Variants in WWC2 observed in about 807,000 individuals in gnomAD.
WWC2 encodes the protein WW and C2 domain containing 2.
A neutral mutation model predicts 138.5 loss-of-function variants in WWC2; 101 were observed. The ratio of observed to expected loss-of-function variants is 0.73; its 90% CI spans 0.62 to 0.86. The LOEUF is 0.86. Ranked by LOEUF, WWC2 falls within the 40% of genes least tolerant of loss-of-function variation. The probability of loss-of-function intolerance (pLI) is 0.00; values close to 1 mark genes in which losing one functional copy is unlikely to be tolerated. For synonymous variants in WWC2, 558 were observed against 538.4 expected, an observed-to-expected ratio of 1.04 and a Z score of -0.50; for missense variants, 1,420 against 1,419.4, an observed-to-expected ratio of 1.00 and a Z score of -0.01.
rs201566166 is a variant in WWC2 at position 183,208,970 on chromosome 4, G to C, written c.467G>C (p.Ser156Thr). 147 of 1,565,202 alleles carry C rather than the reference G, an allele frequency of 9.4e-5. No individual in the cohort carries two copies. Among genetic ancestry groups the C allele is most frequent in the Non-Finnish European group, 1.2e-4 (142 of 1,151,932 alleles). ...AAAGTATTCTCAGGATCTTCATCCA[G>C]TACTAAATATGATCCCGATATTTTA... ...HTSLFSGSSSSTKYDPDILKA... is the reference protein window; with the variant it reads ...HTSLFSGSSSTTKYDPDILKA... Residue 156 changes from serine to threonine, a missense_variant, in exon 4 of 23, where the codon AGT becomes ACT. Coordinates refer to ENST00000403733, the MANE Select transcript of WWC2 (RefSeq NM_024949.6).
chr4:183,188,278 G>A (rs1342791792), intron 1 of WWC2, among the ~76,000 whole-genome samples: 4 of 151,956 alleles, frequency 2.6e-5, no homozygotes, highest in South Asian at 2.1e-4. Context: ...TCGCTGTGTC[G>A]CCCAGGCTGG....
intron 2 of WWC2, among the ~76,000 whole-genome samples, chr4:183,194,725 T>TC (rs773690981): frequency 1.3e-5 from 2 of 152,180 alleles, no homozygotes; most frequent in Non-Finnish European, 2.9e-5. Flanking sequence ...GGCACCATCT[T>TC]CCAGGCGGGT....
chr4:183,188,573 C>G (rs186561252), intron 1 of WWC2, among the ~76,000 whole-genome samples: 1 of 151,296 alleles, frequency 6.6e-6, no homozygotes, highest in Admixed American at 6.6e-5. Flanking sequence ...TGTTTGTTTT[C>G]TAGAAATTCT....
intron 4 of WWC2, among the ~76,000 whole-genome samples, chr4:183,211,295 A>G (rs1380955516): frequency 6.6e-6 from 1 of 152,246 alleles, no homozygotes; most frequent in Non-Finnish European, 1.5e-5. Context: ...CCTGGGCATC[A>G]TAACGAGACA....
At chr4:183,270,059 C>T (rs1737650417) in intron 15 of WWC2, 1 of 152,060 alleles carries the variant, frequency 6.6e-6, no homozygotes, top group Non-Finnish European at 1.5e-5. Context: ...TAGGTTTCTT[C>T]TTAATTTTTC....
In WWC2 at chr4:183,320,145, C is replaced by G; in HGVS notation, c.*4416C>G. 2 of 1,614,118 alleles carry G rather than the reference C, an allele frequency of 1.2e-6. No individual in the cohort carries two copies. The highest frequency in any genetic ancestry group is 8.5e-7 in the Non-Finnish European group (1 of 1,180,002). ...CCAGTGTGGCAGGTAGTTTGTAAGA[C>G]AGGATAAAACCCATCCCAGCAAAGA... On this transcript the variant is annotated 3_prime_UTR_variant, in exon 23 of 23. Coordinates refer to ENST00000403733, the MANE Select transcript of WWC2 (RefSeq NM_024949.6).
At chr4:183,302,918 G>T (rs961482651) in intron 21 of WWC2, among the ~76,000 whole-genome samples, 1 of 152,116 alleles carries the variant, frequency 6.6e-6, no homozygotes, top group African/African-American at 2.4e-5. Flanking sequence ...GTAAAAATTA[G>T]CTGGGCATGA....
intron 11 of WWC2, 111 bp downstream of exon 11, chr4:183,261,643 T>C: frequency 1.6e-6 from 2 of 1,282,348 alleles, no homozygotes; most frequent in East Asian, 5.1e-5. Flanking sequence ...TCTCTTTCTT[T>C]TGAGTAATCG....
At chr4:183,117,693 C>T (rs1440242879) in intron 1 of WWC2, among the ~76,000 whole-genome samples, 2 of 151,344 alleles carry the variant, frequency 1.3e-5, no homozygotes, top group African/African-American at 4.9e-5. Context: ...TGGTCTTGAA[C>T]TCTTGCGCTT....
At chr4:183,141,304 T>C (rs1367759878) in intron 1 of WWC2, among the ~76,000 whole-genome samples, 1 of 152,164 alleles carries the variant, frequency 6.6e-6, no homozygotes, top group Non-Finnish European at 1.5e-5. Context: ...TTTCTCACCA[T>C]GTGTGTGTGC....
chr4:183,310,971 C>T (rs1373746262), intron 21 of WWC2, among the ~76,000 whole-genome samples: 1 of 151,850 alleles, frequency 6.6e-6, no homozygotes, highest in Non-Finnish European at 1.5e-5. Context: ...AGTACTTATT[C>T]CCAGTGTACA....
intron 21 of WWC2, among the ~76,000 whole-genome samples, chr4:183,292,780 A>G (rs1458692520): frequency 6.6e-6 from 1 of 152,214 alleles, no homozygotes; most frequent in East Asian, 1.9e-4. Flanking sequence ...TTTTATGTTA[A>G]TGCCAACACT....
chr4:183,251,091 A>G lies in WWC2; in HGVS notation c.953+1098A>G, dbSNP rs775378258. On this transcript the variant is annotated intron_variant, in intron 8 of 22. Transcript: ENST00000403733. ...AGTCACTTAGGCGATCTGAACAGCA[A>G]TTTACTCAGCTAATTTTAATGCCTT... is the stretch of plus-strand genomic sequence containing the variant. Among the ~76,000 whole-genome samples, 5 of 152,326 alleles carry G rather than the reference A, an allele frequency of 3.3e-5. No homozygotes were observed. In the South Asian group the frequency reaches 8.3e-4, roughly 25 times the overall value.
intron 4 of WWC2, among the ~76,000 whole-genome samples, chr4:183,218,852 A>G (rs1735840165): frequency 6.6e-6 from 1 of 152,254 alleles, no homozygotes; most frequent in Non-Finnish European, 1.5e-5. Context: ...GGCAATCTGT[A>G]TACTCAGAGT....
intron 1 of WWC2, among the ~76,000 whole-genome samples, chr4:183,188,919 T>C (rs1734901238): frequency 6.6e-6 from 1 of 152,086 alleles, no homozygotes; most frequent in Admixed American, 6.5e-5. Flanking sequence ...GTGCTGAGAT[T>C]ACAGGCATGA....
intron 1 of WWC2, among the ~76,000 whole-genome samples, chr4:183,111,100 C>T (rs956711552): frequency 2.6e-5 from 4 of 152,012 alleles, no homozygotes; most frequent in Non-Finnish European, 2.9e-5. Flanking sequence ...ATTAGCCGGG[C>T]GTCGTGGCAG....
At chr4:183,143,206 C>G (rs996844875) in intron 1 of WWC2, among the ~76,000 whole-genome samples, 4 of 152,040 alleles carry the variant, frequency 2.6e-5, no homozygotes, top group Non-Finnish European at 5.9e-5. Context: ...GTAGGTGACT[C>G]AAGCATGGCC....
chr4:183,188,189 T>C (rs185058043), intron 1 of WWC2, among the ~76,000 whole-genome samples: 14 of 152,270 alleles, frequency 9.2e-5, no homozygotes, highest in Non-Finnish European at 1.8e-4. Flanking sequence ...TTTTTTTGTC[T>C]TTAGGTAAAA....
At chr4:183,139,905 C>T (rs111885118) in intron 1 of WWC2, among the ~76,000 whole-genome samples, 11 of 152,114 alleles carry the variant, frequency 7.2e-5, no homozygotes, top group African/African-American at 2.2e-4. Context: ...CTCCATCTCC[C>T]GGGTGCAAGC....
Sources: allele counts gnomAD v4.1 joint callset (sites outside exome capture counted in the v4.1 genomes callset), GRCh38; gene constraint gnomAD v4.1.1; transcripts MANE v1.5; gene names NCBI Gene and HGNC (gene_info 2026-07-23, HGNC 2026-07-21).